Variants in KCNMA1 observed in about 807,000 individuals in gnomAD.
The protein encoded by KCNMA1 is potassium calcium-activated channel subfamily M alpha 1.
KCNMA1 carries 29 observed loss-of-function variants against 140.0 expected under a neutral mutation model. The ratio of observed to expected loss-of-function variants is 0.21; its 90% CI spans 0.15 to 0.28. The LOEUF (loss-of-function observed/expected upper bound fraction) is 0.28, where lower values mean the gene tolerates loss of function less well. Among genes scored for constraint, KCNMA1 ranks in the 10% least tolerant of loss-of-function variants. The pLI is 1.00. For synonymous variants in KCNMA1, 612 were observed against 611.9 expected, an observed-to-expected ratio of 1.00 and a Z score of 0.00; for missense variants, 880 against 1,602.2, an observed-to-expected ratio of 0.55 and a Z score of 7.70.
At chr10:77,415,949 A>G (rs1758031882) in intron 1 of KCNMA1, among the ~76,000 whole-genome samples, 1 of 152,230 alleles carries the variant, frequency 6.6e-6, no homozygotes, top group Non-Finnish European at 1.5e-5. Context: ...TAATGAAATG[A>G]CAATGGTGGC....
chr10:77,395,767 T>C (rs2096026345), intron 2 of KCNMA1, among the ~76,000 whole-genome samples: 1 of 152,236 alleles, frequency 6.6e-6, no homozygotes, highest in Non-Finnish European at 1.5e-5. Flanking sequence ...AACAGCACTA[T>C]GAAATGCGAT....
At position 77,039,656 on chromosome 10, in the gene KCNMA1, T is replaced by TG. The variant is rs1162110858; in HGVS notation, c.1750-20dup. On this transcript the variant is annotated intron_variant, in intron 14 of 27. Coordinates refer to ENST00000286628, the MANE Select transcript of KCNMA1 (RefSeq NM_001161352.2). The stretch of plus-strand genomic sequence containing the variant: ...CCTCAATCTAAAGGAAAGGAACACA[T>TG]GCGGAGAGTTTAAAATATGACGGTG... 2.7e-6 allele frequency: 4 copies of TG among 1,464,100 alleles called. No individual in the cohort carries two copies. Among genetic ancestry groups the TG allele is most frequent in the Non-Finnish European group, 3.8e-6 (4 of 1,043,108 alleles). The allele number at this position is 1,464,100 out of a possible 1,614,324, so 90.7% of individuals were successfully genotyped here.
chr10:77,501,273 C>T lies in KCNMA1; in HGVS notation c.379-97250G>A, dbSNP rs114428709. 7.6e-3 allele frequency among the ~76,000 whole-genome samples: 1,151 copies of T among 152,330 alleles called. 11 individuals carry two copies. Among genetic ancestry groups the T allele is most frequent in the African/African-American group, 0.026 (1,081 of 41,570 alleles). On this transcript the variant is annotated intron_variant, in intron 1 of 27. Transcript: ENST00000286628. ...TGGACACAGGCTCACAGTGCCTGCA[C>T]GGTGTGAGCACTCATTGATGGCTTG...
chr10:76,900,992 T>C (rs528637884), intron 25 of KCNMA1, among the ~76,000 whole-genome samples: 1 of 152,114 alleles, frequency 6.6e-6, no homozygotes, highest in South Asian at 2.1e-4. Context: ...GGATTAATCA[T>C]TGCTATAACA....
chr10:77,414,280 C>T (rs1384615557), intron 1 of KCNMA1, among the ~76,000 whole-genome samples: 2 of 152,078 alleles, frequency 1.3e-5, no homozygotes. Context: ...CATTTCCCTC[C>T]CCCGGGAAAT....
At chr10:77,137,370 C>T (rs558190878) in intron 5 of KCNMA1, among the ~76,000 whole-genome samples, 20 of 152,300 alleles carry the variant, frequency 1.3e-4, no homozygotes, top group South Asian at 2.1e-4. Flanking sequence ...TGCAGCCCCA[C>T]GCAAATCCTG....
At chr10:77,358,703 G>A (rs1325445088) in intron 2 of KCNMA1, among the ~76,000 whole-genome samples, 1 of 152,222 alleles carries the variant, frequency 6.6e-6, no homozygotes, top group Non-Finnish European at 1.5e-5. Flanking sequence ...CATTCAGGAT[G>A]ATTCCTGCTA....
intron 23 of KCNMA1, among the ~76,000 whole-genome samples, chr10:76,918,907 T>C (rs1208281010): frequency 7.2e-6 from 1 of 139,038 alleles, no homozygotes; most frequent in East Asian, 2.1e-4. Flanking sequence ...CACACACATA[T>C]ATATATCACA....
intron 19 of KCNMA1, among the ~76,000 whole-genome samples, chr10:76,983,212 TCTC>T (rs561150151): frequency 3.7e-4 from 57 of 152,326 alleles, no homozygotes; most frequent in African/African-American, 1.2e-3. Flanking sequence ...TCCCCAATCC[TCTC>T]CTCCTTGATT....
chr10:76,880,562 A>AT (rs2034232034), downstream of KCNMA1, among the ~76,000 whole-genome samples: 1 of 152,192 alleles, frequency 6.6e-6, no homozygotes, highest in Non-Finnish European at 1.5e-5. Flanking sequence ...GTGCAAAGGT[A>AT]TTTTACGAAC....
chr10:77,634,089 A>G (rs2093487937), intron 1 of KCNMA1: 1 of 895,380 alleles, frequency 1.1e-6, no homozygotes, highest in Non-Finnish European at 1.3e-6. Context: ...ACAAGGAAAG[A>G]TAGACACCAG....
chr10:76,912,431 T>C (rs1221119367), intron 24 of KCNMA1: 1 of 152,218 alleles, frequency 6.6e-6, no homozygotes, highest in Non-Finnish European at 1.5e-5. Flanking sequence ...GCAGAACACA[T>C]CTCAGAACAT....
chr10:77,223,231 G>GAA (rs71028264), intron 3 of KCNMA1, among the ~76,000 whole-genome samples: 8 of 139,542 alleles, frequency 5.7e-5, no homozygotes, highest in Admixed American at 2.2e-4. Flanking sequence ...TTCCATCTCA[G>GAA]AAAAAAAAAA....
rs574551124 is a variant in KCNMA1, at chr10:77,496,229, G to C, written c.379-92206C>G. ...ATCCTGTCTGTCACCCTCCTCACCA[G>C]GTGCGGGTCTTCAAGATAAGAGACC... On this transcript the variant is annotated intron_variant, in intron 1 of 27. Transcript: ENST00000286628. 3.3e-5 allele frequency among the ~76,000 whole-genome samples: 5 copies of C among 152,184 alleles called. No individual in the cohort carries two copies. In the South Asian group the frequency reaches 6.2e-4, roughly 19 times the overall value.
chr10:77,505,196 C>T (rs192085002), intron 1 of KCNMA1, among the ~76,000 whole-genome samples: 12 of 152,326 alleles, frequency 7.9e-5, no homozygotes, highest in Non-Finnish European at 1.8e-4. Flanking sequence ...ATAAGTGGTA[C>T]CTGGGTAGCA....
intron 1 of KCNMA1, among the ~76,000 whole-genome samples, chr10:77,408,816 A>G (rs955828995): frequency 1.1e-4 from 17 of 152,102 alleles, no homozygotes; most frequent in African/African-American, 3.9e-4. Context: ...CTTGCACTGG[A>G]GGCCACTCTG....
chr10:77,439,968 C>A (rs1176407534), intron 1 of KCNMA1, among the ~76,000 whole-genome samples: 9 of 152,206 alleles, frequency 5.9e-5, no homozygotes, highest in African/African-American at 2.2e-4. Flanking sequence ...GTGTCCCACG[C>A]ACAGTAAAGA....
intron 5 of KCNMA1, among the ~76,000 whole-genome samples, chr10:77,156,067 A>C (rs2098479873): frequency 6.6e-6 from 1 of 151,958 alleles, no homozygotes; most frequent in African/African-American, 2.4e-5. Flanking sequence ...CTGTACTAAA[A>C]ATACAAAAAA....
rs191157970 is a variant in KCNMA1, at chr10:77,134,214, A to G, written c.809-13166T>C. On this transcript the variant is annotated intron_variant, in intron 5 of 27. Transcript: ENST00000286628. ...AGGAGTCATACAATCTTTGAAATAC[A>G]GGCTCTGCCACCACCATAAAAACGT... Among the ~76,000 whole-genome samples the G allele has an allele frequency of 8.1e-3, 1,241 of 152,306 alleles. 9 individuals are homozygous for G. The highest frequency in any genetic ancestry group is 0.027 in the Middle Eastern group (8 of 294).
Sources: gnomAD v4.1 joint callset for allele counts (sites outside exome capture counted in the v4.1 genomes callset) on GRCh38, gnomAD v4.1.1 for gene constraint, MANE v1.5 for transcripts, NCBI Gene and HGNC (gene_info 2026-07-23, HGNC 2026-07-21) for gene names.